LDB2: variants seen among roughly 807,000 people sequenced by gnomAD.
LDB2 encodes the protein LIM domain-binding protein 2.
In LDB2, 12 loss-of-function variants were observed where a neutral mutation model predicts 44.3. The observed-to-expected ratio is 0.27, with a 90% CI of 0.17 to 0.44. LDB2 has a LOEUF of 0.44. Among genes scored for constraint, LDB2 ranks in the 20% least tolerant of loss-of-function variants. The pLI, the probability that LDB2 is intolerant of heterozygous loss-of-function variation, is 1.00. For synonymous variants in LDB2, 164 were observed against 174.8 expected (o/e 0.94, Z 0.49); for missense variants, 344 against 473.5 (o/e 0.73, Z 2.54).
At chr4:16,780,045 C>T (rs527760633) in intron 1 of LDB2, among the ~76,000 whole-genome samples, 11 of 152,090 alleles carry the variant, frequency 7.2e-5, no homozygotes, top group African/African-American at 1.9e-4. Flanking sequence ...AGTAGACTTC[C>T]CTGTCACACA....
At chr4:16,775,917 A>G (rs1389156900) in intron 1 of LDB2, among the ~76,000 whole-genome samples, 1 of 152,188 alleles carries the variant, frequency 6.6e-6, no homozygotes, top group Non-Finnish European at 1.5e-5. Context: ...CCACAGTTGC[A>G]CATTGTTCAG....
chr4:16,846,129 A>T (rs1786945939), intron 1 of LDB2, among the ~76,000 whole-genome samples: 3 of 151,704 alleles, frequency 2.0e-5, no homozygotes, highest in Admixed American at 6.6e-5. Context: ...AAAAAAAAAA[A>T]AGTTAATAAG....
chr4:16,563,215 A>ATAAT (rs1743079274), intron 5 of LDB2, among the ~76,000 whole-genome samples: 1 of 151,222 alleles, frequency 6.6e-6, no homozygotes. Flanking sequence ...TTAAAGTATA[A>ATAAT]TAATAATAAT....
At chr4:16,719,192 T>C (rs180975070) in intron 2 of LDB2, among the ~76,000 whole-genome samples, 46 of 152,236 alleles carry the variant, frequency 3.0e-4, no homozygotes, top group African/African-American at 9.6e-4. Context: ...ATGATTCAAG[T>C]GTTTGAATCA....
intron 1 of LDB2, among the ~76,000 whole-genome samples, chr4:16,772,019 C>T (rs533740861): frequency 3.3e-4 from 50 of 152,284 alleles, no homozygotes; most frequent in African/African-American, 1.0e-3. Flanking sequence ...CAGCACAGCC[C>T]GCAGATCTAG....
intron 5 of LDB2, among the ~76,000 whole-genome samples, chr4:16,512,743 A>T (rs1355025487): frequency 3.3e-5 from 5 of 152,244 alleles, no homozygotes; most frequent in Non-Finnish European, 5.9e-5. Flanking sequence ...GTCAACATTC[A>T]TTCAATGTGG....
intron 1 of LDB2, among the ~76,000 whole-genome samples, chr4:16,784,963 C>G (rs1022860892): frequency 6.6e-6 from 1 of 151,986 alleles, no homozygotes; most frequent in Non-Finnish European, 1.5e-5. Flanking sequence ...CCCACAGCAC[C>G]TAGATTATTA....
intron 2 of LDB2, among the ~76,000 whole-genome samples, chr4:16,657,482 C>T (rs1740230823): frequency 6.6e-6 from 1 of 152,202 alleles, no homozygotes; most frequent in South Asian, 2.1e-4. Context: ...CATCCATTAT[C>T]TATGCAGCAG....
intron 1 of LDB2, among the ~76,000 whole-genome samples, chr4:16,890,116 A>C (rs1722927523): frequency 1.3e-5 from 2 of 152,238 alleles, no homozygotes; most frequent in Admixed American, 1.3e-4. Context: ...AGTGTGAATC[A>C]GCTTGGCAAG....
intron 1 of LDB2, among the ~76,000 whole-genome samples, chr4:16,799,180 A>G (rs943703285): frequency 2.5e-4 from 38 of 152,182 alleles, no homozygotes; most frequent in African/African-American, 7.5e-4. Context: ...TCTGTCAGCC[A>G]TCTACGCAGT....
chr4:16,570,692 G>T (rs1460083387), intron 5 of LDB2, among the ~76,000 whole-genome samples: 1 of 151,692 alleles, frequency 6.6e-6, no homozygotes, highest in Non-Finnish European at 1.5e-5. Context: ...CTTGGAGGAA[G>T]TCACATTTGT....
chr4:16,681,391 C>T (rs145261953), intron 2 of LDB2, among the ~76,000 whole-genome samples: 45 of 152,200 alleles, frequency 3.0e-4, no homozygotes, highest in African/African-American at 9.4e-4. Flanking sequence ...AGCCCCAAGA[C>T]CCTACAGATA....
chr4:16,625,633 A>G (rs892253048), intron 2 of LDB2, among the ~76,000 whole-genome samples: 2 of 152,188 alleles, frequency 1.3e-5, no homozygotes, highest in Non-Finnish European at 2.9e-5. Flanking sequence ...CAAATGCAAT[A>G]AAGTCTTTGG....
chr4:16,821,908 A>G (rs1432361549), intron 1 of LDB2, among the ~76,000 whole-genome samples: 24 of 152,094 alleles, frequency 1.6e-4, no homozygotes, highest in Admixed American at 1.6e-3. Context: ...AACCCATCTC[A>G]GTTTAGAGGT....
intron 2 of LDB2, among the ~76,000 whole-genome samples, chr4:16,743,558 T>C (rs906217189): frequency 1.3e-5 from 2 of 152,124 alleles, no homozygotes; most frequent in African/African-American, 2.4e-5. Context: ...TCTGATATAA[T>C]GAGGCAAGCA....
chr4:16,810,038 T>G (rs1779541350), intron 1 of LDB2, among the ~76,000 whole-genome samples: 1 of 152,192 alleles, frequency 6.6e-6, no homozygotes, highest in Admixed American at 6.5e-5. Context: ...CCGTTCTGAG[T>G]GGAATGCTTC....
At chr4:16,673,198 A>G (rs1186552300) in intron 2 of LDB2, among the ~76,000 whole-genome samples, 1 of 152,178 alleles carries the variant, frequency 6.6e-6, no homozygotes, top group Non-Finnish European at 1.5e-5. Context: ...TCTGCTAAAA[A>G]TCTGGGAATA....
intron 2 of LDB2, among the ~76,000 whole-genome samples, chr4:16,698,053 C>T (rs145586161): frequency 0.011 from 1,658 of 152,244 alleles, 31 homozygotes; most frequent in African/African-American, 0.037. Flanking sequence ...GTTCAACGTT[C>T]TACTTTTTTC....
In LDB2 at chr4:16,560,274, G is replaced by A. The variant is rs547503470; in HGVS notation, c.615+25648C>T. Among the ~76,000 whole-genome samples, 55 of 152,234 alleles carry A rather than the reference G, an allele frequency of 3.6e-4. No individual in the cohort carries two copies. In the South Asian group the frequency reaches 6.0e-3, roughly 17 times the overall value. ...AACCCTTAAAAAATTAATGAATCCC[G>A]GGGCTGGTTTTTTGAAAGGATCAAC... On this transcript the variant is annotated intron_variant, in intron 5 of 7. Coordinates refer to ENST00000304523, the MANE Select transcript of LDB2 (RefSeq NM_001290.5).
Sources: allele counts gnomAD v4.1 joint callset (sites outside exome capture counted in the v4.1 genomes callset), GRCh38; gene constraint gnomAD v4.1.1; transcripts MANE v1.5; gene names NCBI Gene and HGNC (gene_info 2026-07-23, HGNC 2026-07-21).